BRINP2: variants seen among roughly 807,000 people sequenced by gnomAD.
The protein encoded by BRINP2 is BMP/retinoic acid inducible neural specific 2, also known as BMP/retinoic acid-inducible neural-specific protein 2.
A neutral mutation model predicts 69.2 loss-of-function variants in BRINP2; 21 were observed. The observed-to-expected ratio is 0.30, with a 90% CI of 0.22 to 0.44. The LOEUF (loss-of-function observed/expected upper bound fraction) is 0.44. Among genes scored for constraint, BRINP2 ranks in the 20% least tolerant of loss-of-function variants. The probability of loss-of-function intolerance (pLI) is 1.00; values close to 1 mark genes in which losing one functional copy is unlikely to be tolerated. For missense variants in BRINP2, 877 were observed against 986.0 expected (o/e 0.89, Z 1.48); for synonymous variants, 380 against 394.1 (o/e 0.96, Z 0.42).
At chr1:177,191,313 G>A (rs558324835) in intron 1 of BRINP2, among the ~76,000 whole-genome samples, 53 of 152,246 alleles carry the variant, frequency 3.5e-4, no homozygotes, top group Admixed American at 2.7e-3. Context: ...GAAATCCATC[G>A]CTTAAGACAT....
chr1:177,192,161 G>A (rs539073887), intron 1 of BRINP2, among the ~76,000 whole-genome samples: 58 of 152,246 alleles, frequency 3.8e-4, no homozygotes, highest in Non-Finnish European at 6.9e-4. Context: ...CATAATAGGG[G>A]TCTCCTGTAA....
intron 1 of BRINP2, among the ~76,000 whole-genome samples, chr1:177,182,877 C>G (rs1023600299): frequency 1.3e-5 from 2 of 152,178 alleles, no homozygotes; most frequent in Non-Finnish European, 2.9e-5. Context: ...TAGTACTCAT[C>G]AAGTCTGATA....
chr1:177,233,208 T>C (rs1206793232), intron 2 of BRINP2, among the ~76,000 whole-genome samples: 2 of 152,206 alleles, frequency 1.3e-5, no homozygotes, highest in East Asian at 3.8e-4. Flanking sequence ...TTTCTCTTCA[T>C]TACAAGTTTG....
intron 1 of BRINP2, among the ~76,000 whole-genome samples, chr1:177,229,525 C>T (rs1333746820): frequency 2.0e-5 from 3 of 152,156 alleles, no homozygotes; most frequent in Admixed American, 2.0e-4. Flanking sequence ...CTGGTTTTAC[C>T]ACTTAATAGC....
rs142590158 is a variant in BRINP2 at position 177,276,265 on chromosome 1, A to C, written c.843A>C (p.Thr281=). 4 of 1,614,060 alleles carry C rather than the reference A, an allele frequency of 2.5e-6. No homozygotes were observed. The highest frequency in any genetic ancestry group is 2.5e-6 in the Non-Finnish European group (3 of 1,180,050). Residue 281 remains threonine (T), a synonymous_variant, in exon 6 of 8, where the codon ACA becomes ACC. Coordinates refer to ENST00000361539, the MANE Select transcript of BRINP2 (RefSeq NM_021165.4). ...RFVAAALSYI[T]CSSEGELVCK... is the part of the protein sequence containing the mutation. Reference sequence around the variant, plus strand: ...TAGCTGCAGCACTCAGCTACATCACATGCAGCTCTGAGGGTGAGCTCGTCT... The same window carrying C: ...TAGCTGCAGCACTCAGCTACATCACCTGCAGCTCTGAGGGTGAGCTCGTCT...
intron 1 of BRINP2, among the ~76,000 whole-genome samples, chr1:177,196,345 C>G (rs367948226): frequency 6.6e-6 from 1 of 152,042 alleles, no homozygotes; most frequent in South Asian, 2.1e-4. Flanking sequence ...ATTCTAGGTG[C>G]GGTGGCTCAC....
intron 1 of BRINP2, among the ~76,000 whole-genome samples, chr1:177,224,595 T>C (rs1206821058): frequency 6.6e-6 from 1 of 152,120 alleles, no homozygotes; most frequent in Non-Finnish European, 1.5e-5. Context: ...GCTCCTTTTT[T>C]TTTTTTTAAT....
intron 1 of BRINP2, among the ~76,000 whole-genome samples, chr1:177,197,743 G>T (rs1648788543): frequency 6.6e-6 from 1 of 152,128 alleles, no homozygotes; most frequent in Non-Finnish European, 1.5e-5. Flanking sequence ...ATGCAAAAGG[G>T]CCAGAGAAAG....
chr1:177,244,061 G>A (rs1193422546), intron 2 of BRINP2, among the ~76,000 whole-genome samples: 1 of 152,174 alleles, frequency 6.6e-6, no homozygotes, highest in Non-Finnish European at 1.5e-5. Context: ...TCTGCCACAA[G>A]GAGTGGAATG....
chr1:177,255,797 G>A, intron 2 of BRINP2, 122 bp from the exon 3 acceptor site: 2 of 1,003,348 alleles, frequency 2.0e-6, no homozygotes, highest in South Asian at 3.3e-5. Context: ...CCAGCTGAGG[G>A]GATGTGGGCT....
At chr1:177,199,007 C>T (rs536861390) in intron 1 of BRINP2, among the ~76,000 whole-genome samples, 1 of 152,252 alleles carries the variant, frequency 6.6e-6, no homozygotes, top group African/African-American at 2.4e-5. Context: ...TTCATGTAGA[C>T]ACTGCATTCT....
At position 177,257,030 on chromosome 1, in the gene BRINP2, G is replaced by A. The variant is rs746034779; in HGVS notation, c.461-146G>A. The A allele has an allele frequency of 2.2e-5, 34 of 1,541,154 alleles. 1 individual carries two copies. In the African/African-American group the frequency reaches 4.1e-4, roughly 19 times the overall value. On this transcript the variant is annotated intron_variant, in intron 3 of 7. Transcript: ENST00000361539. ...CTCCCTCTGATGAGCTTCTTCTAAA[G>A]ATGGTAAGGGCTGGGGGAAGAGCTT...
chr1:177,254,165 G>T (rs1434716165), intron 2 of BRINP2, among the ~76,000 whole-genome samples: 1 of 152,156 alleles, frequency 6.6e-6, no homozygotes, highest in Non-Finnish European at 1.5e-5. Context: ...AACAGGATTA[G>T]AAAGGAACAA....
intron 2 of BRINP2, among the ~76,000 whole-genome samples, chr1:177,242,722 A>G (rs986516236): frequency 6.6e-6 from 1 of 152,204 alleles, no homozygotes; most frequent in African/African-American, 2.4e-5. Flanking sequence ...GGCAAAGAAC[A>G]TGTCGTATTT....
intron 1 of BRINP2, among the ~76,000 whole-genome samples, chr1:177,187,157 G>C (rs1260763776): frequency 6.6e-6 from 1 of 152,176 alleles, no homozygotes; most frequent in Non-Finnish European, 1.5e-5. Context: ...AGCCTTCCCA[G>C]TGCCTTTTCC....
chr1:177,242,215 A>G (rs1040110063), intron 2 of BRINP2, among the ~76,000 whole-genome samples: 1 of 152,102 alleles, frequency 6.6e-6, no homozygotes, highest in African/African-American at 2.4e-5. Flanking sequence ...ATTGTCTACC[A>G]TTCGTACTTT....
Position 177,273,494 on chromosome 1 carries a change from G to A in BRINP2, c.676G>A (p.Glu226Lys), listed in dbSNP as rs1221762863. 9 of 1,607,808 alleles carry A rather than the reference G, an allele frequency of 5.6e-6. No homozygotes were observed. The highest frequency in any genetic ancestry group is 1.1e-5 in the South Asian group (1 of 90,286). ...QIATGAIKVT[E>K]TRTGPLGCSN... The stretch of plus-strand genomic sequence containing the variant: ...CTACTCCTTCCTTCTCTAGGTCACC[G>A]AGACCAGGACCGGTCCTCTGGGCTG... Residue 226 changes from glutamate to lysine, a missense_variant, in exon 5 of 8, where the codon GAG (glutamate) becomes AAG (lysine). Around this residue, in one of 3 missense-constraint regions of BRINP2, gnomAD observed 566 missense variants for 625.2 expected, o/e 0.91. Coordinates refer to ENST00000361539, the MANE Select transcript of BRINP2 (RefSeq NM_021165.4).
intron 1 of BRINP2, among the ~76,000 whole-genome samples, chr1:177,225,427 G>A (rs1489054006): frequency 2.0e-5 from 3 of 152,202 alleles, no homozygotes; most frequent in African/African-American, 7.2e-5. Flanking sequence ...TTTTCATAAA[G>A]GAACTCACTT....
At chr1:177,206,597 G>A (rs1053418730) in intron 1 of BRINP2, among the ~76,000 whole-genome samples, 1 of 152,182 alleles carries the variant, frequency 6.6e-6, no homozygotes, top group Non-Finnish European at 1.5e-5. Flanking sequence ...CTTAAAGCAC[G>A]TGGTCATGTC....
Sources: allele counts gnomAD v4.1 joint callset (sites outside exome capture counted in the v4.1 genomes callset), GRCh38; gene constraint gnomAD v4.1.1; regional missense constraint gnomAD v4.1.1; transcripts MANE v1.5; gene names NCBI Gene and HGNC (gene_info 2026-07-23, HGNC 2026-07-21).